The following TEAD1 variants were observed in gnomAD, a reference collection of about 807,000 sequenced individuals.
TEAD1 encodes transcriptional enhancer factor TEF-1.
TEAD1 carries 9 observed loss-of-function variants against 54.9 expected under a neutral mutation model. The observed-to-expected ratio is 0.16, with a 90% CI of 0.10 to 0.29. The LOEUF (loss-of-function observed/expected upper bound fraction) is 0.29, where lower values mean the gene tolerates loss of function less well. Among genes scored for constraint, TEAD1 ranks in the 10% least tolerant of loss-of-function variants. The pLI is 1.00. For synonymous variants in TEAD1, 200 were observed against 187.8 expected (o/e 1.07, Z -0.53); for missense variants, 387 against 535.9 (o/e 0.72, Z 2.74).
At chr11:12,770,422 A>G (rs1476120627) in intron 3 of TEAD1, among the ~76,000 whole-genome samples, 1 of 152,230 alleles carries the variant, frequency 6.6e-6, no homozygotes, top group Non-Finnish European at 1.5e-5. Flanking sequence ...GGATTCAGGA[A>G]GATGTGGATT....
chr11:12,732,366 T>C (rs1944441792), intron 2 of TEAD1, among the ~76,000 whole-genome samples: 2 of 152,228 alleles, frequency 1.3e-5, no homozygotes, highest in Admixed American at 6.5e-5. Flanking sequence ...TAGTTCCTAC[T>C]TCCATTTTGT....
chr11:12,935,790 T>C (rs971944810), intron 12 of TEAD1, among the ~76,000 whole-genome samples: 3 of 152,176 alleles, frequency 2.0e-5, no homozygotes, highest in African/African-American at 7.2e-5. Flanking sequence ...TTGTGTGCCA[T>C]GTCCTCAAGC....
chr11:12,770,489 C>T (rs1446260890), intron 3 of TEAD1, among the ~76,000 whole-genome samples: 2 of 152,186 alleles, frequency 1.3e-5, no homozygotes, highest in African/African-American at 4.8e-5. Flanking sequence ...GGACAACAGA[C>T]ATAAAATAAC....
rs545298002 is a variant in TEAD1 at position 12,688,965 on chromosome 11, T to C, written c.-55+13404T>C. ...CCTCCTTTGGGTTTAGTTTTAAGCT[T>C]TGCCCCAGCTTCCCCTCTTGCTGGA... On this transcript the variant is annotated intron_variant, in intron 2 of 12. Transcript: ENST00000527636. 1.3e-4 allele frequency among the ~76,000 whole-genome samples: 20 copies of C among 152,224 alleles called. No individual in the cohort carries two copies. In the South Asian group the frequency reaches 4.1e-3, roughly 32 times the overall value.
chr11:12,698,787 A>G, intron 2 of TEAD1, among the ~76,000 whole-genome samples: 1 of 152,210 alleles, frequency 6.6e-6, no homozygotes, highest in East Asian at 1.9e-4. Flanking sequence ...CCAGGTAATT[A>G]GGGCATGCGC....
intron 9 of TEAD1, among the ~76,000 whole-genome samples, chr11:12,886,415 A>T (rs775411028): frequency 2.0e-5 from 3 of 152,232 alleles, no homozygotes; most frequent in Non-Finnish European, 4.4e-5. Context: ...AAAGATAGTT[A>T]TATTTTAGGG....
intron 2 of TEAD1, among the ~76,000 whole-genome samples, chr11:12,732,674 A>G (rs1204133947): frequency 1.3e-5 from 2 of 152,214 alleles, no homozygotes; most frequent in Non-Finnish European, 2.9e-5. Context: ...AAAGGCAGAC[A>G]GTGGAGGAAT....
intron 5 of TEAD1, among the ~76,000 whole-genome samples, chr11:12,878,146 G>A (rs1947892971): frequency 6.6e-6 from 1 of 152,098 alleles, no homozygotes; most frequent in South Asian, 2.1e-4. Context: ...TTTTTCAAAG[G>A]TTAATGTAAG....
intron 5 of TEAD1, among the ~76,000 whole-genome samples, chr11:12,866,327 A>G (rs565168384): frequency 6.6e-6 from 1 of 152,208 alleles, no homozygotes; most frequent in Non-Finnish European, 1.5e-5. Context: ...GATGATATGA[A>G]TTGCTCTATT....
intron 2 of TEAD1, 31 bp from the exon 3 acceptor site, chr11:12,764,148 T>C: frequency 7.0e-7 from 1 of 1,425,956 alleles, no homozygotes; most frequent in Non-Finnish European, 9.6e-7. Context: ...GGTTACCACA[T>C]CCTTATACTG....
chr11:12,681,758 G>A (rs1025928793), intron 2 of TEAD1, among the ~76,000 whole-genome samples: 3 of 152,234 alleles, frequency 2.0e-5, no homozygotes, highest in Non-Finnish European at 2.9e-5. Context: ...TGTCTGCCCC[G>A]CTCCTGTCTC....
At chr11:12,890,168 A>G (rs1948170302) in intron 9 of TEAD1, among the ~76,000 whole-genome samples, 1 of 152,182 alleles carries the variant, frequency 6.6e-6, no homozygotes, top group African/African-American at 2.4e-5. Context: ...TCTACCTCCA[A>G]AAACGGTGAC....
At chr11:12,896,355 T>C (rs1236537206) in intron 9 of TEAD1, among the ~76,000 whole-genome samples, 1 of 152,212 alleles carries the variant, frequency 6.6e-6, no homozygotes, top group Non-Finnish European at 1.5e-5. Flanking sequence ...ACCTTTCTTC[T>C]ATGTTAGGCC....
intron 3 of TEAD1, among the ~76,000 whole-genome samples, chr11:12,823,218 G>A (rs1257369601): frequency 6.6e-6 from 1 of 152,208 alleles, no homozygotes; most frequent in African/African-American, 2.4e-5. Flanking sequence ...TAGGACTTGT[G>A]CATGGAGCTT....
intron 10 of TEAD1, among the ~76,000 whole-genome samples, chr11:12,922,071 C>T (rs1002982878): frequency 2.0e-5 from 3 of 152,130 alleles, no homozygotes; most frequent in African/African-American, 4.8e-5. Flanking sequence ...GAGCTGTACC[C>T]TGACTGTTAG....
rs915693697 is a variant in TEAD1, at chr11:12,865,567, T to C, written c.330+667T>C. On this transcript the variant is annotated intron_variant, in intron 5 of 12. Transcript: ENST00000527636. ...TAGATCTTAGAGATGGGAAAACTCT[T>C]GATCAAACCCATTTGCAGTTTCATT... 1.5e-4 allele frequency: 23 copies of C among 152,286 alleles called. No individual in the cohort carries two copies. In the East Asian group the frequency reaches 4.4e-3, roughly 29 times the overall value. 9.4% of individuals were successfully genotyped at this position (152,286 alleles called of 1,614,324 possible).
At chr11:12,705,168 C>T (rs957970432) in intron 2 of TEAD1, among the ~76,000 whole-genome samples, 8 of 152,216 alleles carry the variant, frequency 5.3e-5, no homozygotes, top group South Asian at 2.1e-4. Flanking sequence ...CAGAAGCACT[C>T]AGGGAATTCG....
intron 10 of TEAD1, among the ~76,000 whole-genome samples, chr11:12,908,883 G>GTTTTTTTTTTTTTTTTTTTTTTTT (rs60042137): frequency 6.0e-5 from 6 of 99,666 alleles, no homozygotes; most frequent in South Asian, 3.1e-4. Flanking sequence ...CAAATTATCT[G>GTTTTTTTTTTTTTTTTTTTTTTTT]TTTTTTTTTT....
rs1363461504 is a variant in TEAD1 at position 12,901,965 on chromosome 11, T to C, written c.725T>C (p.Ile242Thr). Residue 242 changes from isoleucine to threonine, a missense_variant, in exon 10 of 13, where the codon ATT becomes ACT. Around this residue, in one of 5 missense-constraint regions of TEAD1, gnomAD observed 180 missense variants for 180.6 expected, o/e 1.00. Coordinates refer to ENST00000527636, the MANE Select transcript of TEAD1 (RefSeq NM_021961.6). The stretch of plus-strand genomic sequence containing the variant: ...TACAACAAACACCTCTTCGTGCACA[T>C]TGGGCATGCCAACCATTCTTACAGT... 1.2e-6 allele frequency: 2 copies of C among 1,614,206 alleles called. No homozygotes were observed. The highest frequency in any genetic ancestry group is 2.2e-5 in the East Asian group (1 of 44,888).
Sources: gnomAD v4.1 joint callset for allele counts (sites outside exome capture counted in the v4.1 genomes callset) on GRCh38, gnomAD v4.1.1 for gene constraint, gnomAD v4.1.1 regional missense constraint, MANE v1.5 for transcripts, NCBI Gene and HGNC (gene_info 2026-07-23, HGNC 2026-07-21) for gene names.